Variants in CASQ2 observed in about 807,000 individuals in gnomAD.
The protein encoded by CASQ2 is calsequestrin 2, also known as calsequestrin-2.
CASQ2 carries 49 observed loss-of-function variants against 46.5 expected under a neutral mutation model. That is an observed-to-expected ratio of 1.05 (90% CI 0.84 to 1.34). The LOEUF (loss-of-function observed/expected upper bound fraction) is 1.34, where lower values mean the gene tolerates loss of function less well. CASQ2 is among the 40% of genes most tolerant of loss of function. CASQ2 has a pLI of 0.00. For synonymous variants in CASQ2, 174 were observed against 168.5 expected, an observed-to-expected ratio of 1.03 and a Z score of -0.25; for missense variants, 486 against 481.3, an observed-to-expected ratio of 1.01 and a Z score of -0.09.
chr1:115,709,870 T>C (rs1402242867), intron 8 of CASQ2, among the ~76,000 whole-genome samples: 1 of 152,136 alleles, frequency 6.6e-6, no homozygotes, highest in Non-Finnish European at 1.5e-5. Context: ...TGAGATGGAG[T>C]CTTGCTCTGT....
intron 6 of CASQ2, among the ~76,000 whole-genome samples, chr1:115,725,776 C>G (rs780913821): frequency 6.6e-6 from 1 of 152,112 alleles, no homozygotes; most frequent in Non-Finnish European, 1.5e-5. Flanking sequence ...TTTTCATAGA[C>G]CCACTGATCC....
At chr1:115,746,890 T>C (rs1648407211) in intron 1 of CASQ2, among the ~76,000 whole-genome samples, 1 of 152,218 alleles carries the variant, frequency 6.6e-6, no homozygotes, top group African/African-American at 2.4e-5. Flanking sequence ...AGCATACCTG[T>C]CATTTCAAAT....
chr1:115,745,899 A>G (rs1648370453), intron 1 of CASQ2, among the ~76,000 whole-genome samples: 1 of 152,244 alleles, frequency 6.6e-6, no homozygotes, highest in African/African-American at 2.4e-5. Context: ...GGATATTAAC[A>G]TTGATACAGT....
intron 2 of CASQ2, 152 bp from the exon 3 acceptor site, chr1:115,740,980 C>A: frequency 1.5e-6 from 1 of 676,364 alleles, no homozygotes; most frequent in Non-Finnish European, 2.7e-6. Flanking sequence ...CTTGAAATAA[C>A]ACTTTTGAAG....
chr1:115,754,877 T>A (rs961269768), intron 1 of CASQ2, among the ~76,000 whole-genome samples: 2 of 152,192 alleles, frequency 1.3e-5, no homozygotes, highest in Non-Finnish European at 2.9e-5. Context: ...CCCACTACAC[T>A]AAGTCAGTGG....
intron 8 of CASQ2, among the ~76,000 whole-genome samples, chr1:115,705,820 C>T (rs1376016884): frequency 6.7e-6 from 1 of 148,470 alleles, no homozygotes; most frequent in Non-Finnish European, 1.5e-5. Flanking sequence ...TTCCCTCCCT[C>T]CCTCCCTCCC....
At chr1:115,767,308 C>A (rs750017234) in intron 1 of CASQ2, among the ~76,000 whole-genome samples, 1 of 152,062 alleles carries the variant, frequency 6.6e-6, no homozygotes, top group Non-Finnish European at 1.5e-5. Flanking sequence ...TGGAGATATA[C>A]TTTTGATGTA....
intron 5 of CASQ2, among the ~76,000 whole-genome samples, chr1:115,728,130 G>A (rs1647657110): frequency 6.6e-6 from 1 of 152,174 alleles, no homozygotes; most frequent in Non-Finnish European, 1.5e-5. Flanking sequence ...CACTGTGGTG[G>A]TAACCCGTGG....
At position 115,727,025 on chromosome 1, in the gene CASQ2, T is replaced by A. The variant is rs1396285229; in HGVS notation, c.704A>T (p.Glu235Val). 6.7e-7 allele frequency: 1 copy of A among 1,496,012 alleles called. No homozygotes were observed. The highest frequency in any genetic ancestry group is 9.1e-7 in the Non-Finnish European group (1 of 1,103,346). 92.7% of individuals were successfully genotyped at this position (1,496,012 alleles called of 1,614,324 possible). A position where few individuals can be genotyped will look rare whatever the true frequency, so the allele number is the denominator to read the frequency against. Reference sequence around the variant, plus strand: ...TTCCTTCACAAACTCCACCAGCTCCTCTTCTGTGTAAGGTTTGTTGGGGAT... The same window carrying A: ...TTCCTTCACAAACTCCACCAGCTCCACTTCTGTGTAAGGTTTGTTGGGGAT... ...IAIPNKPYTEEELVEFVKEHQ... is the reference protein window; with the variant it reads ...IAIPNKPYTEVELVEFVKEHQ... Residue 235 changes from glutamate to valine, a missense_variant, in exon 6 of 11, where the codon GAG becomes GTG. Transcript: ENST00000261448.
intron 1 of CASQ2, among the ~76,000 whole-genome samples, chr1:115,749,070 T>C (rs1431623243): frequency 6.6e-6 from 1 of 152,208 alleles, no homozygotes; most frequent in Non-Finnish European, 1.5e-5. Context: ...CTGCTATAAA[T>C]GGTTGTCAGC....
chr1:115,738,711 AT>A (rs957436966), intron 3 of CASQ2, among the ~76,000 whole-genome samples: 1 of 152,190 alleles, frequency 6.6e-6, no homozygotes, highest in African/African-American at 2.4e-5. Context: ...AATATTCATC[AT>A]TTTTTGTGGT....
At chr1:115,737,797 TA>T (rs2101091403) in intron 4 of CASQ2, among the ~76,000 whole-genome samples, 1 of 152,330 alleles carries the variant, frequency 6.6e-6, no homozygotes, top group African/African-American at 2.4e-5. Context: ...TAGCCACTGC[TA>T]AGCCCATCCC....
intron 1 of CASQ2, among the ~76,000 whole-genome samples, chr1:115,752,552 T>C (rs1648620201): frequency 6.6e-6 from 1 of 152,064 alleles, no homozygotes; most frequent in Non-Finnish European, 1.5e-5. Context: ...TGCAAGGGCA[T>C]CCCAGGAGGA....
intron 5 of CASQ2, among the ~76,000 whole-genome samples, chr1:115,731,486 C>G (rs975515445): frequency 6.6e-6 from 1 of 152,216 alleles, no homozygotes; most frequent in Non-Finnish European, 1.5e-5. Context: ...CTCCCTTTCT[C>G]TACTAATATC....
intron 5 of CASQ2, among the ~76,000 whole-genome samples, chr1:115,727,349 G>T (rs1212351718): frequency 4.6e-5 from 7 of 152,168 alleles, no homozygotes; most frequent in Non-Finnish European, 7.4e-5. Context: ...GACTTATCTA[G>T]CAAATGAGGG....
intron 4 of CASQ2, among the ~76,000 whole-genome samples, chr1:115,733,491 C>A (rs1331720519): frequency 6.6e-6 from 1 of 152,136 alleles, no homozygotes; most frequent in African/African-American, 2.4e-5. Flanking sequence ...AGTTTTCTTT[C>A]CCTTTTTTTC....
At chr1:115,726,702 A>G (rs533796007) in intron 6 of CASQ2, among the ~76,000 whole-genome samples, 1 of 152,348 alleles carries the variant, frequency 6.6e-6, no homozygotes, top group South Asian at 2.1e-4. Flanking sequence ...AACTTTCACT[A>G]AATTGCTCTC....
intron 8 of CASQ2, among the ~76,000 whole-genome samples, chr1:115,712,132 T>G (rs894486950): frequency 1.3e-5 from 2 of 152,182 alleles, no homozygotes; most frequent in Non-Finnish European, 2.9e-5. Flanking sequence ...GCATCTGAAC[T>G]GGATCCTTTG....
intron 5 of CASQ2, 72 bp downstream of exon 5, chr1:115,732,829 A>T (rs1212797465): frequency 9.9e-7 from 1 of 1,013,068 alleles, no homozygotes; most frequent in Non-Finnish European, 1.6e-6. Context: ...GAAAAGAAAG[A>T]GTGGTGAGAG....
Sources: gnomAD v4.1 joint callset for allele counts (sites outside exome capture counted in the v4.1 genomes callset) on GRCh38, gnomAD v4.1.1 for gene constraint, MANE v1.5 for transcripts, NCBI Gene and HGNC (gene_info 2026-07-23, HGNC 2026-07-21) for gene names.